The following NOS1 variants were observed in gnomAD, a reference collection of about 807,000 sequenced individuals.
NOS1 encodes the protein NOS type I.
Under a neutral mutation model 164.5 loss-of-function variants are expected in NOS1, and 51 were observed. The observed-to-expected ratio is 0.31, with a 90% CI of 0.25 to 0.39. The LOEUF is 0.39. NOS1 is among the 10% of genes least tolerant of loss of function. The pLI is 1.00. For missense variants in NOS1, 1,362 were observed against 1,885.6 expected, an observed-to-expected ratio of 0.72 and a Z score of 5.14; for synonymous variants, 719 against 745.8, an observed-to-expected ratio of 0.96 and a Z score of 0.59.
intron 1 of NOS1, among the ~76,000 whole-genome samples, chr12:117,339,202 T>C (rs1470360155): frequency 3.3e-5 from 5 of 152,194 alleles, no homozygotes; most frequent in Non-Finnish European, 7.3e-5. Flanking sequence ...TTCTTTGCCT[T>C]GGGGATCCCA....
At chr12:117,284,870 T>C (rs1413560694) in intron 7 of NOS1, among the ~76,000 whole-genome samples, 3 of 151,686 alleles carry the variant, frequency 2.0e-5, no homozygotes, top group African/African-American at 7.3e-5. Flanking sequence ...GTCAACATCA[T>C]GAAAGCCCGT....
At chr12:117,255,883 G>C in intron 16 of NOS1, 1 of 1,111,574 alleles carries the variant, frequency 9.0e-7, no homozygotes, top group South Asian at 2.4e-5. Flanking sequence ...CAGGCATTGG[G>C]TGTGCATGCA....
chr12:117,332,722 G>A lies in NOS1; in HGVS notation c.-420-1233C>T, dbSNP rs530637568. On this transcript the variant is annotated intron_variant, in intron 1 of 28. Transcript: ENST00000317775. Reference sequence around the variant, plus strand: ...TCTACTAAAAATACAAAAATTAGCCGGGTGTGGTGGCGGGTGCCTGTAATC... The same window carrying A: ...TCTACTAAAAATACAAAAATTAGCCAGGTGTGGTGGCGGGTGCCTGTAATC... Among the ~76,000 whole-genome samples, 51 of 152,160 alleles carry A rather than the reference G, an allele frequency of 3.4e-4. 1 individual carries two copies. In the South Asian group the frequency reaches 9.1e-3, roughly 27 times the overall value.
intron 2 of NOS1, among the ~76,000 whole-genome samples, chr12:117,327,567 T>C (rs1875316813): frequency 6.6e-6 from 1 of 152,108 alleles, no homozygotes; most frequent in Non-Finnish European, 1.5e-5. Flanking sequence ...TAAACCAGGC[T>C]TCAAATCTCC....
Position 117,272,625 on chromosome 12 carries a change from T to C in NOS1, c.1665-66A>G. 2 of 1,473,692 alleles carry C rather than the reference T, an allele frequency of 1.4e-6. No homozygotes were observed. Among genetic ancestry groups the C allele is most frequent in the South Asian group, 1.2e-5 (1 of 81,082 alleles). 91.3% of individuals were successfully genotyped at this position (1,473,692 alleles called of 1,614,324 possible). A position where few individuals can be genotyped will look rare whatever the true frequency, so the allele number is the denominator to read the frequency against. Reference sequence around the variant, plus strand: ...TCTCATGGGCGGGACAGCTTGAATCTAGAGATGCTGAAATGCCAAGGATGG... The same window carrying C: ...TCTCATGGGCGGGACAGCTTGAATCCAGAGATGCTGAAATGCCAAGGATGG... On this transcript the variant is annotated intron_variant, in intron 9 of 28. Transcript: ENST00000317775. The surrounding 1 kb of genome is among the most constrained non-coding windows in gnomAD (Gnocchi z 4.3).
chr12:117,346,204 C>T (rs1876341640), intron 1 of NOS1, among the ~76,000 whole-genome samples: 1 of 152,238 alleles, frequency 6.6e-6, no homozygotes, highest in Admixed American at 6.5e-5. Flanking sequence ...GGTGCCGTGG[C>T]TCACGCCTGT....
chr12:117,229,939 A>G (rs1869066471), intron 22 of NOS1, among the ~76,000 whole-genome samples: 1 of 151,844 alleles, frequency 6.6e-6, no homozygotes, highest in Non-Finnish European at 1.5e-5. Flanking sequence ...TTACTTATAG[A>G]GATGGGGTCT....
chr12:117,306,494 C>G (rs143832743), intron 3 of NOS1, among the ~76,000 whole-genome samples: 5 of 151,988 alleles, frequency 3.3e-5, no homozygotes, highest in Non-Finnish European at 5.9e-5. Flanking sequence ...ATGATGATTA[C>G]GATAACAGCC....
chr12:117,232,213 G>A (rs1869299400), intron 21 of NOS1, 82 bp from the exon 22 acceptor site: 1 of 1,336,452 alleles, frequency 7.5e-7, no homozygotes, highest in Admixed American at 1.8e-5. Flanking sequence ...TCCTGGAGCA[G>A]AGGATGGGGC....
chr12:117,210,902 T>C lies in NOS1; in HGVS notation c.*4407A>G, dbSNP rs1195406419. On this transcript the variant is annotated 3_prime_UTR_variant, in exon 29 of 29. Transcript: ENST00000317775. ...TGAAAACTCATCTTTTCCCTGAGCC[T>C]GCTCTTCAGAGACCTCTCTCTCAGC... is the stretch of plus-strand genomic sequence containing the variant. 1.0e-6 allele frequency: 1 copy of C among 985,468 alleles called. No homozygotes were observed. The highest frequency in any genetic ancestry group is 5.2e-4 in the Middle Eastern group (1 of 1,914). 61.0% of individuals were successfully genotyped at this position (985,468 alleles called of 1,614,324 possible).
chr12:117,269,470 T>TC (rs1872654172), intron 10 of NOS1, among the ~76,000 whole-genome samples: 1 of 142,832 alleles, frequency 7.0e-6, no homozygotes, highest in Non-Finnish European at 1.5e-5. Flanking sequence ...ATTTGTTTTT[T>TC]TTTTTTTTTT....
intron 3 of NOS1, among the ~76,000 whole-genome samples, chr12:117,295,724 AT>A (rs747039692): frequency 5.5e-5 from 8 of 144,574 alleles, no homozygotes; most frequent in Non-Finnish European, 1.2e-4. Context: ...GGGTTAAGTG[AT>A]TCTCCTGCCT....
intron 1 of NOS1, among the ~76,000 whole-genome samples, chr12:117,357,584 A>G (rs1876912688): frequency 6.6e-6 from 1 of 152,158 alleles, no homozygotes; most frequent in South Asian, 2.1e-4. Flanking sequence ...TCTGGGCCTC[A>G]GTTTCCCAAT....
intron 3 of NOS1, among the ~76,000 whole-genome samples, chr12:117,300,074 T>C (rs1873714219): frequency 6.6e-6 from 1 of 152,212 alleles, no homozygotes; most frequent in East Asian, 1.9e-4. Flanking sequence ...GTTTATGTTT[T>C]GGCCCTTGTA....
Position 117,268,126 on chromosome 12 carries a change from T to C in NOS1, c.1858A>G (p.Asn620Asp), listed in dbSNP as rs780558156. The C allele has an allele frequency of 9.3e-6, 15 of 1,613,696 alleles. No homozygotes were observed. In the African/African-American group the frequency reaches 1.9e-4, roughly 20 times the overall value. The change falls in exon 11 of 29, where the codon AAC (asparagine) becomes GAC (aspartate). Residue 620 changes from asparagine (N) to aspartate (D), a missense_variant. Physicochemically the swap from Asn to Asp is conservative, Grantham distance 23. Around this residue, in one of 4 missense-constraint regions of NOS1, gnomAD observed 134 missense variants for 267.3 expected, o/e 0.50. Transcript: ENST00000317775. ...GAGGACGTCTTCCTCATGTCTAAGT[T>C]CATCTTCTTGGCCACTTCCTGAAAG... ...NILEEVAKKMNLDMRKTSSLW... is the reference protein window; with the variant it reads ...NILEEVAKKMDLDMRKTSSLW...
intron 3 of NOS1, among the ~76,000 whole-genome samples, chr12:117,296,056 T>C (rs956013568): frequency 6.6e-6 from 1 of 152,162 alleles, no homozygotes; most frequent in Non-Finnish European, 1.5e-5. Context: ...TACCTGGACA[T>C]GTATGTGCAC....
In NOS1 at chr12:117,227,786, G is replaced by A. The variant is rs941037984; in HGVS notation, c.3406-145C>T. ...TCATGCTTGTAATTGCAGTGCTTTG[G>A]GGGGCCGGGGAGAGAGGATCACTTG... is the stretch of plus-strand genomic sequence containing the variant. On this transcript the variant is annotated intron_variant, in intron 22 of 28. Transcript: ENST00000317775. 12 of 763,190 alleles carry A rather than the reference G, an allele frequency of 1.6e-5. No homozygotes were observed. In the African/African-American group the frequency reaches 2.1e-4, roughly 13 times the overall value. The allele number at this position is 763,190 out of a possible 1,614,324, so 47.3% of individuals were successfully genotyped here. A position where few individuals can be genotyped will look rare whatever the true frequency, so the allele number is the denominator to read the frequency against.
intron 18 of NOS1, among the ~76,000 whole-genome samples, chr12:117,244,916 G>A (rs1369213608): frequency 6.6e-6 from 1 of 152,162 alleles, no homozygotes; most frequent in Admixed American, 6.5e-5. Context: ...GAGGACAGGA[G>A]GTTGACAGCT....
At chr12:117,229,560 T>TC (rs1357442050) in intron 22 of NOS1, among the ~76,000 whole-genome samples, 2 of 128,238 alleles carry the variant, frequency 1.6e-5, no homozygotes, top group East Asian at 2.1e-4. Context: ...TATATCAAAT[T>TC]CTTCTATCTA....
Sources: allele counts gnomAD v4.1 joint callset (sites outside exome capture counted in the v4.1 genomes callset), GRCh38; gene constraint gnomAD v4.1.1; regional missense constraint gnomAD v4.1.1; non-coding constraint Gnocchi (gnomAD v3.1); transcripts MANE v1.5; gene names NCBI Gene and HGNC (gene_info 2026-07-23, HGNC 2026-07-21).